Variants in TGFBR3 observed in about 807,000 individuals in gnomAD.
The protein encoded by TGFBR3 is transforming growth factor beta receptor 3, also known as transforming growth factor beta receptor type 3.
Under a neutral mutation model 87.9 loss-of-function variants are expected in TGFBR3, and 46 were observed. The observed-to-expected ratio is 0.52, with a 90% CI of 0.41 to 0.67. The LOEUF is 0.67. Ranked by LOEUF, TGFBR3 falls within the 30% of genes least tolerant of loss-of-function variation. The pLI is 0.00. For synonymous variants in TGFBR3, 381 were observed against 391.6 expected (o/e 0.97, Z 0.32); for missense variants, 866 against 1,041.9 (o/e 0.83, Z 2.32).
chr1:91,875,567 T>C (rs1390832769), intron 1 of TGFBR3, among the ~76,000 whole-genome samples: 1 of 150,712 alleles, frequency 6.6e-6, no homozygotes, highest in Non-Finnish European at 1.5e-5. Flanking sequence ...CCTTGGAAAA[T>C]GTCAACCCAT....
chr1:91,765,505 C>G (rs1674145453), intron 3 of TGFBR3, among the ~76,000 whole-genome samples: 1 of 152,024 alleles, frequency 6.6e-6, no homozygotes, highest in South Asian at 2.1e-4. Flanking sequence ...GGAAGGTATG[C>G]TGGACAGCAT....
chr1:91,786,955 A>T (rs760584491), intron 3 of TGFBR3, among the ~76,000 whole-genome samples: 6 of 152,176 alleles, frequency 3.9e-5, no homozygotes, highest in Non-Finnish European at 7.3e-5. Flanking sequence ...GACTGTACCT[A>T]TACCGGCCCT....
In TGFBR3 at chr1:91,800,187, T is replaced by C. The variant is rs577616112; in HGVS notation, c.62-2716A>G. Among the ~76,000 whole-genome samples, 377 of 133,736 alleles carry C rather than the reference T, an allele frequency of 2.8e-3. 3 individuals carry two copies. The highest frequency in any genetic ancestry group is 3.9e-3 in the Non-Finnish European group (246 of 63,740). 87.7% of individuals were successfully genotyped at this position (133,736 alleles called of 152,430 possible). On this transcript the variant is annotated intron_variant, in intron 2 of 16. Transcript: ENST00000212355. ...CAGGTGGATCGCTTGAGCCCAGGAGTACAAAAGCAACCTGTGCAATATGAT... is the reference window on the plus strand; with the variant it reads ...CAGGTGGATCGCTTGAGCCCAGGAGCACAAAAGCAACCTGTGCAATATGAT...
rs532927773 is a variant in TGFBR3 at position 91,738,405 on chromosome 1, G to A, written c.385-3446C>T. On this transcript the variant is annotated intron_variant, in intron 4 of 16. Coordinates refer to ENST00000212355, the MANE Select transcript of TGFBR3 (RefSeq NM_003243.5). Reference sequence around the variant, plus strand: ...TGGTGGGAGGTGTTTGGATCATGGGGGCAGATCCCCCCATGAATGGCTTAG... The same window carrying A: ...TGGTGGGAGGTGTTTGGATCATGGGAGCAGATCCCCCCATGAATGGCTTAG... Among the ~76,000 whole-genome samples the A allele has an allele frequency of 5.9e-5, 9 of 152,244 alleles. No individual in the cohort carries two copies. The South Asian group carries it at 1.5e-3, about 25-fold the overall frequency.
chr1:91,709,451 C>T (rs2046736), intron 13 of TGFBR3, among the ~76,000 whole-genome samples: 31,871 of 152,202 alleles, frequency 0.21, 3,513 homozygotes, highest in Non-Finnish European at 0.24. Context: ...ACTGTCTATA[C>T]TGCATTATGA....
rs1242059104 is a variant in TGFBR3, at chr1:91,829,539, G to T, written c.61+31932C>A. Among the ~76,000 whole-genome samples, 4 of 152,118 alleles carry T rather than the reference G, an allele frequency of 2.6e-5. No individual in the cohort carries two copies. The East Asian group carries it at 7.7e-4, about 29-fold the overall frequency. On this transcript the variant is annotated intron_variant, in intron 2 of 16. Coordinates refer to ENST00000212355, the MANE Select transcript of TGFBR3 (RefSeq NM_003243.5). ...CCAGCCATAGAATCATAGAACCTGTGAATACCAGAAGCACCCAGAACATAG... is the reference window on the plus strand; with the variant it reads ...CCAGCCATAGAATCATAGAACCTGTTAATACCAGAAGCACCCAGAACATAG...
intron 2 of TGFBR3, among the ~76,000 whole-genome samples, chr1:91,835,827 CAAA>C (rs57326419): frequency 1.3e-5 from 1 of 74,746 alleles, no homozygotes; most frequent in Non-Finnish European, 2.9e-5. Context: ...GACTCCACCT[CAAA>C]AAAAAAAAAA....
rs199845905 is a variant in TGFBR3 at position 91,797,380 on chromosome 1, G to A, written c.153C>T (p.Gly51=). The change falls in exon 3 of 17, where the codon GGC becomes GGT. Residue 51 remains glycine (G), a synonymous_variant. Coordinates refer to ENST00000212355, the MANE Select transcript of TGFBR3 (RefSeq NM_003243.5). Reference sequence around the variant, plus strand: ...GCCCAGTTGTGCCTCTGCTGGCACAGCCTGACAAAACAGTGAAGCTCTCCA... The same window carrying A: ...GCCCAGTTGTGCCTCTGCTGGCACAACCTGACAAAACAGTGAAGCTCTCCA... ...ALMESFTVLS[G]CASRGTTGLP... 2.3e-5 allele frequency: 37 copies of A among 1,614,134 alleles called. No individual in the cohort carries two copies. The highest frequency in any genetic ancestry group is 1.0e-5 in the Non-Finnish European group (12 of 1,180,054).
At chr1:91,893,010 C>G (rs1409985945) in intron 2 of TGFBR3, among the ~76,000 whole-genome samples, 1 of 152,066 alleles carries the variant, frequency 6.6e-6, no homozygotes, top group Non-Finnish European at 1.5e-5. Context: ...ACCTCATTGA[C>G]TTCATTTCAA....
intron 3 of TGFBR3, among the ~76,000 whole-genome samples, chr1:91,776,709 T>C (rs971530412): frequency 6.6e-6 from 1 of 152,190 alleles, no homozygotes; most frequent in Non-Finnish European, 1.5e-5. Context: ...GGTGACAAAT[T>C]GGTGGCAGCT....
chr1:91,708,392 A>C (rs1236278977), intron 14 of TGFBR3, among the ~76,000 whole-genome samples: 4 of 152,166 alleles, frequency 2.6e-5, no homozygotes, highest in Non-Finnish European at 4.4e-5. Flanking sequence ...ATTTGAATGC[A>C]AGGGAGAGTG....
At position 91,777,152 on chromosome 1, in the gene TGFBR3, C is replaced by G. The variant is rs531295522; in HGVS notation, c.247-18402G>C. Among the ~76,000 whole-genome samples, 6 of 152,324 alleles carry G rather than the reference C, an allele frequency of 3.9e-5. No homozygotes were observed. The East Asian group carries it at 1.2e-3, about 29-fold the overall frequency. The stretch of plus-strand genomic sequence containing the variant: ...ACTGCTTCCAAGGCAGCTGACATCA[C>G]TGGATTGTGAGGTAAAGCTAGAGGT... On this transcript the variant is annotated intron_variant, in intron 3 of 16. Transcript: ENST00000212355.
intron 4 of TGFBR3, among the ~76,000 whole-genome samples, chr1:91,741,244 C>T (rs1364705809): frequency 1.3e-5 from 2 of 152,120 alleles, no homozygotes; most frequent in East Asian, 3.9e-4. Context: ...TAGAATGGCT[C>T]ACAGAACTCA....
intron 4 of TGFBR3, 135 bp downstream of exon 4, chr1:91,758,478 A>T: frequency 9.4e-7 from 1 of 1,059,414 alleles, no homozygotes; most frequent in South Asian, 1.3e-5. Flanking sequence ...CACTAAGTGC[A>T]TCCTCCAAAT....
At chr1:91,684,311 G>A (rs1671016263) in intron 16 of TGFBR3, among the ~76,000 whole-genome samples, 1 of 152,200 alleles carries the variant, frequency 6.6e-6, no homozygotes, top group Admixed American at 6.5e-5. Context: ...GGAAGTTTGG[G>A]AGCCTTGTTC....
intron 2 of TGFBR3, among the ~76,000 whole-genome samples, chr1:91,895,684 A>T (rs1054906881): frequency 7.9e-5 from 12 of 152,164 alleles, no homozygotes; most frequent in African/African-American, 2.9e-4. Context: ...TGATCTCAAA[A>T]TTTTATCTCT....
At chr1:91,808,413 C>T (rs1312641057) in intron 2 of TGFBR3, among the ~76,000 whole-genome samples, 1 of 152,182 alleles carries the variant, frequency 6.6e-6, no homozygotes, top group Non-Finnish European at 1.5e-5. Flanking sequence ...TAAAGACAAT[C>T]AGTTGGCATC....
intron 2 of TGFBR3, among the ~76,000 whole-genome samples, chr1:91,834,176 T>C (rs1676971107): frequency 6.6e-6 from 1 of 152,336 alleles, no homozygotes; most frequent in South Asian, 2.1e-4. Context: ...TAAACTCATG[T>C]AACACATCAT....
chr1:91,878,370 T>G (rs139070708), intron 1 of TGFBR3, among the ~76,000 whole-genome samples: 3 of 151,552 alleles, frequency 2.0e-5, no homozygotes, highest in African/African-American at 7.3e-5. Context: ...CTCCAGAGTA[T>G]TTTTGCATCC....
Sources: allele counts gnomAD v4.1 joint callset (sites outside exome capture counted in the v4.1 genomes callset), GRCh38; gene constraint gnomAD v4.1.1; transcripts MANE v1.5; gene names NCBI Gene and HGNC (gene_info 2026-07-23, HGNC 2026-07-21).